Variants in CRPPA observed in about 807,000 individuals in gnomAD.
CRPPA encodes D-ribitol-5-phosphate cytidylyltransferase.
A neutral mutation model predicts 52.0 loss-of-function variants in CRPPA; 43 were observed. The ratio of observed to expected loss-of-function variants is 0.83; its 90% CI spans 0.65 to 1.07. CRPPA has a LOEUF of 1.07. Among genes scored for constraint, CRPPA ranks in the 50% least tolerant of loss-of-function variants. The pLI is 0.00. For missense variants in CRPPA, 629 were observed against 551.7 expected (o/e 1.14, Z -1.40); for synonymous variants, 250 against 203.5 (o/e 1.23, Z -1.94).
intron 9 of CRPPA, among the ~76,000 whole-genome samples, chr7:16,187,448 CAG>C (rs904563982): frequency 6.6e-6 from 1 of 152,148 alleles, no homozygotes; most frequent in East Asian, 1.9e-4. Flanking sequence ...AGTATCATAA[CAG>C]AGAAAACAAA....
intron 8 of CRPPA, among the ~76,000 whole-genome samples, chr7:16,251,768 G>A (rs1400761193): frequency 6.6e-6 from 1 of 152,128 alleles, no homozygotes; most frequent in Non-Finnish European, 1.5e-5. Flanking sequence ...ACCCACAAGA[G>A]AAAGCAGGAA....
chr7:16,109,452 G>T (rs1782218122), intron 9 of CRPPA, among the ~76,000 whole-genome samples: 1 of 151,804 alleles, frequency 6.6e-6, no homozygotes, highest in African/African-American at 2.4e-5. Flanking sequence ...AGGACCTGAG[G>T]GTTTCTTGGC....
At chr7:16,296,237 T>G (rs935603717) in intron 5 of CRPPA, among the ~76,000 whole-genome samples, 2 of 152,100 alleles carry the variant, frequency 1.3e-5, no homozygotes, top group African/African-American at 4.8e-5. Context: ...ACTTGCTATC[T>G]ACCACAATTT....
chr7:16,284,663 C>A (rs1319568485), intron 5 of CRPPA, among the ~76,000 whole-genome samples: 1 of 152,040 alleles, frequency 6.6e-6, no homozygotes, highest in African/African-American at 2.4e-5. Context: ...GAGTAATACA[C>A]CCATGTTGGC....
At chr7:16,360,384 G>A (rs1017305953) in intron 3 of CRPPA, among the ~76,000 whole-genome samples, 2 of 152,098 alleles carry the variant, frequency 1.3e-5, no homozygotes, top group Non-Finnish European at 2.9e-5. Flanking sequence ...TTACATTAAG[G>A]AGTACTTTAT....
At chr7:16,190,414 C>T (rs761167540) in intron 9 of CRPPA, among the ~76,000 whole-genome samples, 22 of 152,094 alleles carry the variant, frequency 1.4e-4, no homozygotes, top group East Asian at 3.8e-4. Context: ...ATTAGGTCAC[C>T]GTGTTACAAA....
At chr7:16,098,140 A>G (rs1245811320) in intron 9 of CRPPA, among the ~76,000 whole-genome samples, 4 of 152,206 alleles carry the variant, frequency 2.6e-5, no homozygotes, top group Non-Finnish European at 5.9e-5. Context: ...AATCAAATTT[A>G]TGTGGATTTG....
chr7:16,241,411 A>G (rs1339362260), intron 8 of CRPPA, among the ~76,000 whole-genome samples: 1 of 152,130 alleles, frequency 6.6e-6, no homozygotes, highest in Non-Finnish European at 1.5e-5. Flanking sequence ...TAAAACACCA[A>G]TAAAATCATT....
intron 3 of CRPPA, among the ~76,000 whole-genome samples, chr7:16,331,431 C>T (rs1785551106): frequency 6.6e-6 from 1 of 152,130 alleles, no homozygotes; most frequent in South Asian, 2.1e-4. Context: ...CTACCCAATA[C>T]ACTATATCTT....
At chr7:16,276,290 T>C (rs1025068707) in intron 6 of CRPPA, among the ~76,000 whole-genome samples, 1 of 152,004 alleles carries the variant, frequency 6.6e-6, no homozygotes, top group Admixed American at 6.5e-5. Flanking sequence ...ATAAAAAGAT[T>C]CGAAACTACA....
Position 16,092,707 on chromosome 7 carries a change from T to TC in CRPPA, c.1252-909_1252-908insG, listed in dbSNP as rs1781860501. On this transcript the variant is annotated intron_variant, in intron 9 of 9. Coordinates refer to ENST00000407010, the MANE Select transcript of CRPPA (RefSeq NM_001101426.4). ...AAGTCAAAATACTTATTTTAAAATATAGATCTGATCACATCAGTATCCTGA... is the reference window on the plus strand; with the variant it reads ...AAGTCAAAATACTTATTTTAAAATATCAGATCTGATCACATCAGTATCCTGA... Among the ~76,000 whole-genome samples, 3 of 152,210 alleles carry TC rather than the reference T, an allele frequency of 2.0e-5. No homozygotes were observed. In the South Asian group the frequency reaches 6.2e-4, roughly 31 times the overall value.
chr7:16,223,000 T>G (rs1782562517), intron 8 of CRPPA, among the ~76,000 whole-genome samples: 1 of 152,148 alleles, frequency 6.6e-6, no homozygotes, highest in Non-Finnish European at 1.5e-5. Flanking sequence ...CATTAACTCT[T>G]GTCAATCTTG....
chr7:16,407,658 T>C (rs1229844979), intron 1 of CRPPA, among the ~76,000 whole-genome samples: 1 of 152,176 alleles, frequency 6.6e-6, no homozygotes, highest in Non-Finnish European at 1.5e-5. Flanking sequence ...CTCCTACCTC[T>C]TGTTATCGAA....
intron 3 of CRPPA, among the ~76,000 whole-genome samples, chr7:16,350,807 G>A (rs531000660): frequency 2.8e-4 from 42 of 152,238 alleles, no homozygotes; most frequent in South Asian, 2.5e-3. Flanking sequence ...ATCACAAGGC[G>A]TAGAGTGTGG....
intron 1 of CRPPA, among the ~76,000 whole-genome samples, chr7:16,414,142 A>G (rs1788133149): frequency 6.6e-6 from 1 of 152,140 alleles, no homozygotes; most frequent in Non-Finnish European, 1.5e-5. Context: ...ATTGTCCTCC[A>G]CCTAAGAGAG....
intron 9 of CRPPA, among the ~76,000 whole-genome samples, chr7:16,099,358 G>C (rs1348041080): frequency 6.9e-6 from 1 of 144,244 alleles, no homozygotes; most frequent in Non-Finnish European, 1.5e-5. Flanking sequence ...GGGGAGGGAA[G>C]GGGAGTGTAG....
intron 9 of CRPPA, among the ~76,000 whole-genome samples, chr7:16,168,536 C>A (rs1196958062): frequency 3.5e-4 from 2 of 5,646 alleles, no homozygotes; most frequent in African/African-American, 5.3e-4. Context: ...TGAAGTAAAA[C>A]ACACACACAC....
intron 9 of CRPPA, among the ~76,000 whole-genome samples, chr7:16,143,681 G>A (rs560511745): frequency 3.3e-5 from 5 of 152,268 alleles, no homozygotes; most frequent in Admixed American, 3.3e-4. Context: ...TCTCTCAATG[G>A]TAGCACAACA....
chr7:16,225,628 T>A (rs559938455), intron 8 of CRPPA, among the ~76,000 whole-genome samples: 15 of 152,116 alleles, frequency 9.9e-5, no homozygotes, highest in Non-Finnish European at 1.6e-4. Context: ...TAGTGAATTG[T>A]CAAAATTTCA....
Sources: gnomAD v4.1 joint callset for allele counts (sites outside exome capture counted in the v4.1 genomes callset) on GRCh38, gnomAD v4.1.1 for gene constraint, MANE v1.5 for transcripts, NCBI Gene and HGNC (gene_info 2026-07-23, HGNC 2026-07-21) for gene names.